Variants in INPP5A observed in about 807,000 individuals in gnomAD.
The protein encoded by INPP5A is inositol polyphosphate-5-phosphatase A, also known as 43 kDa inositol polyphosphate 5-phophatase.
A neutral mutation model predicts 65.2 loss-of-function variants in INPP5A; 14 were observed. The observed-to-expected ratio is 0.21, with a 90% CI of 0.14 to 0.34. The LOEUF is 0.34. Ranked by LOEUF, INPP5A falls within the 10% of genes least tolerant of loss-of-function variation. The probability of loss-of-function intolerance (pLI) is 1.00; values close to 1 mark genes in which losing one functional copy is unlikely to be tolerated. For missense variants in INPP5A, 431 were observed against 545.6 expected (o/e 0.79, Z 2.09); for synonymous variants, 207 against 208.3 (o/e 0.99, Z 0.05).
At chr10:132,599,980 A>G (rs2071755625) in intron 1 of INPP5A, among the ~76,000 whole-genome samples, 1 of 152,120 alleles carries the variant, frequency 6.6e-6, no homozygotes, top group East Asian at 1.9e-4. Context: ...GGCCCATGAA[A>G]CCAGTTTTTC....
rs1323262565 is a variant in INPP5A at position 132,678,366 on chromosome 10, CTG to C, written c.307-12024_307-12023del. On this transcript the variant is annotated intron_variant, in intron 4 of 15. Transcript: ENST00000368594. This position sits in a 1 kb window ranked among gnomAD's most constrained non-coding sequence, Gnocchi z 4.1. ...TTTATTATTGTTTATAATCTAATGACTGTTATTATAACTTTGCTTTGATTTAT... is the reference window on the plus strand; with the variant it reads ...TTTATTATTGTTTATAATCTAATGACTTATTATAACTTTGCTTTGATTTAT... Among the ~76,000 whole-genome samples the C allele has an allele frequency of 3.9e-5, 6 of 152,168 alleles. No homozygotes were observed. The highest frequency in any genetic ancestry group is 7.3e-5 in the Non-Finnish European group (5 of 68,032).
Position 132,780,916 on chromosome 10 carries a change from A to G in INPP5A, c.1157A>G (p.Lys386Arg). 1 of 1,460,700 alleles carries G rather than the reference A, an allele frequency of 6.8e-7. No homozygotes were observed. The allele number at this position is 1,460,700 out of a possible 1,614,324, so 90.5% of individuals were successfully genotyped here. ...IGPNVCMGDH[K>R]PVFLAFRIMP... ...CCCAACGTCTGCATGGGAGACCACAAGGTGACATAGACTGAGGTCCAGGGG... is the reference window on the plus strand; with the variant it reads ...CCCAACGTCTGCATGGGAGACCACAGGGTGACATAGACTGAGGTCCAGGGG... The change falls in exon 14 of 16, where the codon AAG becomes AGG. Residue 386 changes from lysine (K) to arginine (R), a missense_variant and splice_region_variant. Transcript: ENST00000368594.
chr10:132,660,295 A>C (rs560595454), intron 4 of INPP5A, among the ~76,000 whole-genome samples: 1 of 152,260 alleles, frequency 6.6e-6, no homozygotes, highest in Non-Finnish European at 1.5e-5. Flanking sequence ...TAAGCTTTAG[A>C]GGTATGGAGA....
At position 132,650,369 on chromosome 10, in the gene INPP5A, C is replaced by G; in HGVS notation, c.219-49C>G. 1 of 1,299,550 alleles carries G rather than the reference C, an allele frequency of 7.7e-7. No homozygotes were observed. The highest frequency in any genetic ancestry group is 1.2e-5 in the South Asian group (1 of 84,514). 80.5% of individuals were successfully genotyped at this position (1,299,550 alleles called of 1,614,324 possible). A position where few individuals can be genotyped will look rare whatever the true frequency, so the allele number is the denominator to read the frequency against. On this transcript the variant is annotated intron_variant, in intron 3 of 15. Coordinates refer to ENST00000368594, the MANE Select transcript of INPP5A (RefSeq NM_005539.5). This position sits in a 1 kb window ranked among gnomAD's most constrained non-coding sequence, Gnocchi z 5.5. ...TACCTTGTGGTCATCTCATGAGGTG[C>G]AAGGCGTCTGTGTGGCTTTTCCTCA...
At chr10:132,766,198 C>T (rs1340805780) in intron 12 of INPP5A, among the ~76,000 whole-genome samples, 2 of 152,220 alleles carry the variant, frequency 1.3e-5, no homozygotes, top group Admixed American at 1.3e-4. Context: ...TGTGTGTGCA[C>T]ATGTATCTGT....
rs1185545662 is a variant in INPP5A at position 132,547,574 on chromosome 10, GC to G, written c.75+9405del. ...CGGGAGGCCGGGCACCTGCACCCTC[GC>G]CGTCGCCCTGGGCTGACCTCCCATC... On this transcript the variant is annotated intron_variant, in intron 1 of 15. Coordinates refer to ENST00000368594, the MANE Select transcript of INPP5A (RefSeq NM_005539.5). The surrounding 1 kb of genome is among the most constrained non-coding windows in gnomAD (Gnocchi z 5.5). Among the ~76,000 whole-genome samples the G allele has an allele frequency of 6.6e-6, 1 of 152,150 alleles. No homozygotes were observed. The highest frequency in any genetic ancestry group is 1.5e-5 in the Non-Finnish European group (1 of 68,008).
At chr10:132,602,413 G>C (rs2071787576) in intron 1 of INPP5A, among the ~76,000 whole-genome samples, 1 of 151,990 alleles carries the variant, frequency 6.6e-6, no homozygotes, top group African/African-American at 2.4e-5. Context: ...TCCTGCCTCA[G>C]CTCCCGAGTA....
At chr10:132,653,993 C>T (rs1046743250) in intron 4 of INPP5A, among the ~76,000 whole-genome samples, 3 of 152,266 alleles carry the variant, frequency 2.0e-5, no homozygotes, top group Admixed American at 6.5e-5. Context: ...TTCCCAATTA[C>T]GTCTCTGAGA....
At chr10:132,654,215 C>T (rs2072619770) in intron 4 of INPP5A, among the ~76,000 whole-genome samples, 1 of 152,266 alleles carries the variant, frequency 6.6e-6, no homozygotes, top group East Asian at 1.9e-4. Flanking sequence ...GCCTCTGCTG[C>T]CGCCCTTCAG....
chr10:132,781,438 C>T (rs1445664102), intron 14 of INPP5A, among the ~76,000 whole-genome samples: 1 of 152,234 alleles, frequency 6.6e-6, no homozygotes, highest in East Asian at 1.9e-4. Context: ...AATGAGTTAG[C>T]TTCTTCCACG....
chr10:132,687,674 C>A (rs774248901), intron 4 of INPP5A, among the ~76,000 whole-genome samples: 2 of 152,226 alleles, frequency 1.3e-5, no homozygotes, highest in Non-Finnish European at 2.9e-5. Flanking sequence ...CTGGGAGGCC[C>A]ATGGTTACCC....
intron 9 of INPP5A, among the ~76,000 whole-genome samples, chr10:132,745,828 T>C (rs1403204492): frequency 1.5e-5 from 2 of 137,104 alleles, no homozygotes; most frequent in African/African-American, 5.7e-5. Flanking sequence ...CTGGGTATGG[T>C]GGGCCTGGGC....
chr10:132,733,075 G>A (rs767324666), intron 9 of INPP5A, among the ~76,000 whole-genome samples: 2 of 152,194 alleles, frequency 1.3e-5, no homozygotes, highest in Non-Finnish European at 2.9e-5. Flanking sequence ...CCAGCCACAG[G>A]TGGCCCAGAT....
At chr10:132,709,605 C>A in intron 7 of INPP5A, among the ~76,000 whole-genome samples, 1 of 152,092 alleles carries the variant, frequency 6.6e-6, no homozygotes. Context: ...GCAGCTGGGC[C>A]ACAGGCTGGA....
At chr10:132,620,235 C>G (rs189582133) in intron 2 of INPP5A, among the ~76,000 whole-genome samples, 4 of 152,226 alleles carry the variant, frequency 2.6e-5, no homozygotes, top group Non-Finnish European at 5.9e-5. Context: ...TGTTGGCACT[C>G]GACTCCTTTT....
intron 2 of INPP5A, among the ~76,000 whole-genome samples, chr10:132,633,920 G>A (rs1336122865): frequency 6.6e-6 from 1 of 152,210 alleles, no homozygotes; most frequent in Non-Finnish European, 1.5e-5. Context: ...TGTGAAGCTC[G>A]TGGCCAGTTC....
At chr10:132,775,566 AC>A (rs1847050883) in intron 12 of INPP5A, among the ~76,000 whole-genome samples, 1 of 151,984 alleles carries the variant, frequency 6.6e-6, no homozygotes, top group Non-Finnish European at 1.5e-5. Flanking sequence ...CACAGGGAGC[AC>A]CCCTGGCTGT....
At chr10:132,770,048 T>G (rs1353573904) in intron 12 of INPP5A, among the ~76,000 whole-genome samples, 2 of 152,166 alleles carry the variant, frequency 1.3e-5, no homozygotes, top group Non-Finnish European at 2.9e-5. Context: ...GCGTTAGCAT[T>G]TCTCACGAAA....
intron 4 of INPP5A, among the ~76,000 whole-genome samples, chr10:132,683,388 T>A (rs1395837239): frequency 6.8e-6 from 1 of 147,988 alleles, no homozygotes; most frequent in African/African-American, 2.5e-5. Context: ...AATCTGCGTG[T>A]ACACATGTGT....
Sources: allele counts gnomAD v4.1 joint callset (sites outside exome capture counted in the v4.1 genomes callset), GRCh38; gene constraint gnomAD v4.1.1; non-coding constraint Gnocchi (gnomAD v3.1); transcripts MANE v1.5; gene names NCBI Gene and HGNC (gene_info 2026-07-23, HGNC 2026-07-21).